The following COL3A1 variants were observed in gnomAD, a reference collection of about 807,000 sequenced individuals.
The protein encoded by COL3A1 is collagen alpha-1(III) chain.
A neutral mutation model predicts 200.9 loss-of-function variants in COL3A1; 46 were observed. The ratio of observed to expected loss-of-function variants is 0.23; its 90% CI spans 0.18 to 0.29. The LOEUF (loss-of-function observed/expected upper bound fraction) is 0.29. Ranked by LOEUF, COL3A1 falls within the 10% of genes least tolerant of loss-of-function variation. COL3A1 has a pLI of 1.00. For missense variants in COL3A1, 1,367 were observed against 1,917.6 expected (o/e 0.71, Z 5.36); for synonymous variants, 650 against 628.0 (o/e 1.03, Z -0.52).
Position 189,004,052 on chromosome 2 carries a change from C to G in COL3A1, c.2732C>G (p.Thr911Ser), listed in dbSNP as rs757462397. 1 of 1,613,280 alleles carries G rather than the reference C, an allele frequency of 6.2e-7. No individual in the cohort carries two copies. The highest frequency in any genetic ancestry group is 8.5e-7 in the Non-Finnish European group (1 of 1,179,958). Residue 911 changes from threonine (T) to serine (S), a missense_variant, in exon 39 of 51, where the codon ACT becomes AGT. Physicochemically the swap from Thr to Ser is moderately conservative, Grantham distance 58. Transcript: ENST00000304636. ...GGGCCCCCAGGTCCTGCGGGTAACA[C>G]TGGTGCTCCTGGCAGCCCTGGAGTG... ...KDGPPGPAGN[T>S]GAPGSPGVSG... is the part of the protein sequence containing the mutation.
At chr2:188,991,913 A>G (rs957058826) in intron 13 of COL3A1, among the ~76,000 whole-genome samples, 191 bp downstream of exon 13, 6 of 152,194 alleles carry the variant, frequency 3.9e-5, no homozygotes, top group Admixed American at 2.6e-4. Context: ...TATTATCTCT[A>G]TTGAGAATTT....
intron 6 of COL3A1, 29 bp downstream of exon 6, chr2:188,988,163 T>G (rs1688102911): frequency 6.3e-7 from 1 of 1,588,472 alleles, no homozygotes; most frequent in Non-Finnish European, 8.6e-7. Flanking sequence ...GGTGTTTTCT[T>G]CCTCATTTTT....
rs1259162058 is a variant in COL3A1, at chr2:189,011,811, A to C, written c.*37A>C. On this transcript the variant is annotated 3_prime_UTR_variant, in exon 51 of 51. Transcript: ENST00000304636. ...TCTGAAATCCCAACAAAAAAAATTT[A>C]ACTCCATATGTGTTCCTCTTGTTCT... 4.2e-5 allele frequency: 68 copies of C among 1,611,734 alleles called. No individual in the cohort carries two copies. Among genetic ancestry groups the C allele is most frequent in the Non-Finnish European group, 5.6e-5 (66 of 1,178,080 alleles).
At chr2:188,991,117 A>T in intron 11 of COL3A1, 60 bp downstream of exon 11, 1 of 1,521,724 alleles carries the variant, frequency 6.6e-7, no homozygotes, top group Admixed American at 1.7e-5. Flanking sequence ...AAAGCTACAT[A>T]TAAGATTCAT....
chr2:188,980,075 G>A (rs1414600684), intron 1 of COL3A1, among the ~76,000 whole-genome samples: 2 of 151,540 alleles, frequency 1.3e-5, no homozygotes, highest in Non-Finnish European at 3.0e-5. Flanking sequence ...TTACTCTAAG[G>A]AAGAAATTAA....
chr2:188,999,092 T>C (rs1308436771), intron 29 of COL3A1, among the ~76,000 whole-genome samples, 193 bp from the exon 30 acceptor site: 1 of 152,208 alleles, frequency 6.6e-6, no homozygotes, highest in African/African-American at 2.4e-5. Context: ...AGACTAAGTA[T>C]CCAAGTTTTA....
chr2:188,985,367 T>C, intron 3 of COL3A1, 120 bp downstream of exon 3: 1 of 831,222 alleles, frequency 1.2e-6, no homozygotes. Flanking sequence ...ATTTGAATAA[T>C]GGCACCAAAC....
chr2:188,981,256 A>C lies in COL3A1; in HGVS notation c.80-3504A>C, dbSNP rs754482925. On this transcript the variant is annotated intron_variant, in intron 1 of 50. Coordinates refer to ENST00000304636, the MANE Select transcript of COL3A1 (RefSeq NM_000090.4). Reference sequence around the variant, plus strand: ...ATTCCAAAATAGAAAACTAGGAAAGAAGCAGCTAAGAGTGGTTTAAGACAT... The same window carrying C: ...ATTCCAAAATAGAAAACTAGGAAAGCAGCAGCTAAGAGTGGTTTAAGACAT... Among the ~76,000 whole-genome samples the C allele has an allele frequency of 4.0e-5, 6 of 151,660 alleles. No homozygotes were observed. The East Asian group carries it at 1.2e-3, about 29-fold the overall frequency.
chr2:189,003,341 A>T, intron 36 of COL3A1, 70 bp from the exon 37 acceptor site: 1 of 1,398,846 alleles, frequency 7.1e-7, no homozygotes, highest in Non-Finnish European at 1.0e-6. Flanking sequence ...CTGGTTTTCA[A>T]AGGCTTAATG....
At position 188,992,251 on chromosome 2, in the gene COL3A1, T is replaced by C. The variant is rs41272829; in HGVS notation, c.996+23T>C. ...CCAGTAAGTAACTTTCTATCTCTTA[T>C]GTGTTGTAGGGTAATGAGAAGTTAT... is the stretch of plus-strand genomic sequence containing the variant. On this transcript the variant is annotated intron_variant, in intron 14 of 50. Transcript: ENST00000304636. The C allele has an allele frequency of 5.8e-3, 9,280 of 1,611,026 alleles. 37 individuals are homozygous for C. Among genetic ancestry groups the C allele is most frequent in the Non-Finnish European group, 7.1e-3 (8,341 of 1,177,260 alleles).
intron 50 of COL3A1, 68 bp from the exon 51 acceptor site, chr2:189,011,555 TTTAAC>T: frequency 6.3e-7 from 1 of 1,589,568 alleles, no homozygotes; most frequent in Non-Finnish European, 8.6e-7. Context: ...AAAGGTTTTC[TTTAAC>T]TTGTTAAGTC....
intron 1 of COL3A1, among the ~76,000 whole-genome samples, chr2:188,979,928 A>G (rs1293330685): frequency 1.3e-5 from 2 of 151,656 alleles, no homozygotes; most frequent in Admixed American, 6.6e-5. Context: ...CTCATCTGTA[A>G]AATTAGGATT....
Position 188,985,760 on chromosome 2 carries a change from A to G in COL3A1, c.429A>G (p.Ser143=). Residue 143 remains serine (S), a synonymous_variant, in exon 4 of 51, where the codon TCA becomes TCG. Transcript: ENST00000304636. ...GSPGPPGICE[S]CPTGPQNYSP... is the part of the protein sequence containing the mutation. ...CTGGCCCCCCTGGAATCTGTGAATCATGCCCTACTGGTCCTCAGGTATAAC... is the reference window on the plus strand; with the variant it reads ...CTGGCCCCCCTGGAATCTGTGAATCGTGCCCTACTGGTCCTCAGGTATAAC... 1 of 1,611,244 alleles carries G rather than the reference A, an allele frequency of 6.2e-7. No individual in the cohort carries two copies. Among genetic ancestry groups the G allele is most frequent in the South Asian group, 1.1e-5 (1 of 90,986 alleles).
At chr2:188,986,943 T>C in intron 4 of COL3A1, 116 bp from the exon 5 acceptor site, 1 of 844,948 alleles carries the variant, frequency 1.2e-6, no homozygotes, top group Non-Finnish European at 2.0e-6. Context: ...CCACATCTTT[T>C]GGCACACAAA....
intron 32 of COL3A1, among the ~76,000 whole-genome samples, chr2:189,000,569 T>C (rs1237162320): frequency 6.6e-6 from 1 of 152,176 alleles, no homozygotes; most frequent in African/African-American, 2.4e-5. Context: ...GTCAGGCACA[T>C]CTACACATGG....
At chr2:188,978,771 A>T (rs2153500646) in intron 1 of COL3A1, among the ~76,000 whole-genome samples, 1 of 151,706 alleles carries the variant, frequency 6.6e-6, no homozygotes, top group Non-Finnish European at 1.5e-5. Flanking sequence ...AAAAAAAAAA[A>T]AAAAAGATCA....
Position 188,984,781 on chromosome 2 carries a change from A to G in COL3A1, c.101A>G (p.His34Arg), listed in dbSNP as rs752110396. 5 of 1,612,980 alleles carry G rather than the reference A, an allele frequency of 3.1e-6. No homozygotes were observed. Among genetic ancestry groups the G allele is most frequent in the Non-Finnish European group, 4.2e-6 (5 of 1,179,308 alleles). The change falls in exon 2 of 51, where the codon CAT (histidine) becomes CGT (arginine). Residue 34 changes from histidine to arginine, a missense_variant. Physicochemically the swap from His to Arg is conservative, Grantham distance 29 (BLOSUM62 0). Around this residue, in one of 5 missense-constraint regions of COL3A1, gnomAD observed 55 missense variants for 51.5 expected, o/e 1.07. Transcript: ENST00000304636. Reference sequence around the variant, plus strand: ...TCAGCTGTTGAAGGAGGATGTTCCCATCTTGGTCAGTCCTATGCGGATAGA... The same window carrying G: ...TCAGCTGTTGAAGGAGGATGTTCCCGTCTTGGTCAGTCCTATGCGGATAGA... ...QQEAVEGGCSHLGQSYADRDV... is the reference protein window; with the variant it reads ...QQEAVEGGCSRLGQSYADRDV...
intron 14 of COL3A1, 86 bp downstream of exon 14, chr2:188,992,314 C>T (rs998762686): frequency 8.9e-7 from 1 of 1,127,428 alleles, no homozygotes; most frequent in Non-Finnish European, 1.3e-6. Flanking sequence ...TATGTATATA[C>T]TCTTAGGTAT....
At chr2:188,977,131 T>C (rs190152342) in intron 1 of COL3A1, among the ~76,000 whole-genome samples, 145 of 152,264 alleles carry the variant, frequency 9.5e-4, no homozygotes, top group African/African-American at 3.4e-3. Flanking sequence ...ATATGACTAT[T>C]GTTTAAATAC....
Sources: gnomAD v4.1 joint callset for allele counts (sites outside exome capture counted in the v4.1 genomes callset) on GRCh38, gnomAD v4.1.1 for gene constraint, gnomAD v4.1.1 regional missense constraint, MANE v1.5 for transcripts, NCBI Gene and HGNC (gene_info 2026-07-23, HGNC 2026-07-21) for gene names.